Variants in QNG1 observed in about 807,000 individuals in gnomAD.
The protein encoded by QNG1 is Q-nucleotide N-glycosylase 1.
chr9:83,951,024 T>C, the QNG1 span, among the ~76,000 whole-genome samples: 12 of 152,116 alleles, frequency 7.9e-5, no homozygotes, highest in African/African-American at 2.9e-4. Flanking sequence ...TCCCAGCACT[T>C]TGGGAGGGAG....
the QNG1 span, among the ~76,000 whole-genome samples, chr9:83,951,988 TTTTA>T: frequency 6.6e-6 from 1 of 152,148 alleles, no homozygotes; most frequent in African/African-American, 2.4e-5. Flanking sequence ...AATTGTTTAT[TTTTA>T]TTTATTTATT....
At chr9:83,942,382 A>G in the QNG1 span, among the ~76,000 whole-genome samples, 3 of 152,226 alleles carry the variant, frequency 2.0e-5, no homozygotes, top group Non-Finnish European at 4.4e-5. Context: ...GTTAGTCTTT[A>G]TAATTGGCCA....
At chr9:83,952,481 G>A in the QNG1 span, among the ~76,000 whole-genome samples, 1 of 152,128 alleles carries the variant, frequency 6.6e-6, no homozygotes, top group Non-Finnish European at 1.5e-5. Context: ...CCAATATGGT[G>A]AAACCCTGTC....
At chr9:83,944,505 T>C in the QNG1 span, among the ~76,000 whole-genome samples, 2 of 152,208 alleles carry the variant, frequency 1.3e-5, no homozygotes, top group Non-Finnish European at 2.9e-5. Flanking sequence ...ATACTATAAC[T>C]GATGAACTAT....
chr9:83,953,823 A>C, the QNG1 span: 1 of 1,548,160 alleles, frequency 6.5e-7, no homozygotes, highest in Non-Finnish European at 8.7e-7. Context: ...CAACAAAATG[A>C]TCATCATTTG....
chr9:83,940,590 G>A, the QNG1 span, among the ~76,000 whole-genome samples: 1 of 152,090 alleles, frequency 6.6e-6, no homozygotes, highest in Non-Finnish European at 1.5e-5. Flanking sequence ...TAGTGAGCGA[G>A]GTAGTGTACA....
At chr9:83,955,402 G>A in the QNG1 span, 6 of 1,613,984 alleles carry the variant, frequency 3.7e-6, no homozygotes, top group East Asian at 2.2e-5. Flanking sequence ...TCACATCTCT[G>A]TAAGAAGGAA....
chr9:83,952,266 G>C, the QNG1 span, among the ~76,000 whole-genome samples: 1 of 152,206 alleles, frequency 6.6e-6, no homozygotes, highest in African/African-American at 2.4e-5. Flanking sequence ...TTATGGGCTT[G>C]AGCCACCATG....
chr9:83,948,546 G>A, the QNG1 span, among the ~76,000 whole-genome samples: 1 of 152,046 alleles, frequency 6.6e-6, no homozygotes, highest in Admixed American at 6.5e-5. Context: ...CGCCCCGTCT[G>A]GGAAGTGAGG....
At chr9:83,948,413 G>A in the QNG1 span, among the ~76,000 whole-genome samples, 3 of 150,310 alleles carry the variant, frequency 2.0e-5, no homozygotes, top group Non-Finnish European at 3.0e-5. Context: ...CAGCCGCCCC[G>A]TCCGGGAGGG....
At chr9:83,945,125 C>A in the QNG1 span, 1 of 726,684 alleles carries the variant, frequency 1.4e-6, no homozygotes, top group Non-Finnish European at 2.1e-6. Flanking sequence ...ATAGATTGGC[C>A]GGGCACCATG....
At chr9:83,956,818 C>T in the QNG1 span, 2 of 289,920 alleles carry the variant, frequency 6.9e-6, no homozygotes, top group Non-Finnish European at 1.3e-5. Flanking sequence ...CTGGAAACTG[C>T]TAAGGGTCCG....
chr9:83,950,026 A>G, the QNG1 span, among the ~76,000 whole-genome samples: 1 of 150,984 alleles, frequency 6.6e-6, no homozygotes. Flanking sequence ...AATAAATTCA[A>G]GTAATCTGTA....
At chr9:83,955,044 A>G in the QNG1 span, among the ~76,000 whole-genome samples, 1 of 151,188 alleles carries the variant, frequency 6.6e-6, no homozygotes, top group Admixed American at 6.6e-5. Flanking sequence ...CTAAAAATAC[A>G]TAAAATTAGC....
the QNG1 span, among the ~76,000 whole-genome samples, chr9:83,955,862 A>G: frequency 6.6e-6 from 1 of 152,208 alleles, no homozygotes. Flanking sequence ...ATGTATTCTG[A>G]GTAAATTGCT....
chr9:83,939,500 T>C, the QNG1 span: 1 of 1,581,062 alleles, frequency 6.3e-7, no homozygotes. Context: ...TGGATCAGTT[T>C]ACACTTGAGG....
chr9:83,956,580 G>A, the QNG1 span: 1 of 1,237,324 alleles, frequency 8.1e-7, no homozygotes, highest in Non-Finnish European at 1.1e-6. Flanking sequence ...GCGCTACTAC[G>A]AACCGCGCGA....
the QNG1 span, among the ~76,000 whole-genome samples, chr9:83,951,549 ACT>A: frequency 2.0e-5 from 3 of 152,160 alleles, no homozygotes; most frequent in African/African-American, 7.2e-5. Context: ...TGACAGCGAG[ACT>A]CTGTCTCAAA....
the QNG1 span, among the ~76,000 whole-genome samples, chr9:83,948,649 G>A: frequency 6.6e-6 from 1 of 152,226 alleles, no homozygotes; most frequent in Non-Finnish European, 1.5e-5. Context: ...TTGTCGAATA[G>A]AAAGGGGGGA....
Sources: gnomAD v4.1 joint callset for allele counts (sites outside exome capture counted in the v4.1 genomes callset) on GRCh38, gnomAD v4.1.1 for gene constraint, MANE v1.5 for transcripts, NCBI Gene and HGNC (gene_info 2026-07-23, HGNC 2026-07-21) for gene names.